The following TTC19 variants were observed in gnomAD, a reference collection of about 807,000 sequenced individuals.
The protein encoded by TTC19 is tetratricopeptide repeat domain 19.
TTC19 carries 38 observed loss-of-function variants against 49.5 expected under a neutral mutation model. The observed-to-expected ratio is 0.77, with a 90% CI of 0.59 to 1.01. The LOEUF is 1.01. Ranked by LOEUF, TTC19 falls within the 50% of genes least tolerant of loss-of-function variation. The pLI is 0.00. For missense variants in TTC19, 475 were observed against 477.7 expected (o/e 0.99, Z 0.05); for synonymous variants, 204 against 185.2 (o/e 1.10, Z -0.83).
In TTC19 at chr17:16,029,312, C is replaced by T. The variant is rs1407533884; in HGVS notation, c.*1790C>T. 1 of 446,424 alleles carries T rather than the reference C, an allele frequency of 2.2e-6. No individual in the cohort carries two copies. Among genetic ancestry groups the T allele is most frequent in the East Asian group, 7.0e-5 (1 of 14,312 alleles). 27.7% of individuals were successfully genotyped at this position (446,424 alleles called of 1,614,324 possible). ...ATTTACACTGTTGTAAAATAAGGTACTGAAGCAAAAGGAGGACTGATCTCC... is the reference window on the plus strand; with the variant it reads ...ATTTACACTGTTGTAAAATAAGGTATTGAAGCAAAAGGAGGACTGATCTCC... On this transcript the variant is annotated 3_prime_UTR_variant, in exon 10 of 10. Transcript: ENST00000261647.
chr17:16,028,839 A>AAAAAAAAAAC lies in TTC19; in HGVS notation c.*1324_*1325insAACAAAAAAA. On this transcript the variant is annotated 3_prime_UTR_variant, in exon 10 of 10. Transcript: ENST00000261647. ...TTCTCAAAAAAAAAAAAAAAAAAAA[A>AAAAAAAAAAC]AAAAAAACTTTCTGAAGAAAATAAA... The AAAAAAAAAAC allele has an allele frequency of 5.3e-6, 2 of 379,360 alleles. No homozygotes were observed. Among genetic ancestry groups the AAAAAAAAAAC allele is most frequent in the African/African-American group, 2.2e-5 (1 of 45,500 alleles). The allele number at this position is 379,360 out of a possible 1,614,324, so 23.5% of individuals were successfully genotyped here. A position where few individuals can be genotyped will look rare whatever the true frequency, so the allele number is the denominator to read the frequency against.
At chr17:16,007,479 G>C (rs537067405) in intron 7 of TTC19, among the ~76,000 whole-genome samples, 1 of 152,108 alleles carries the variant, frequency 6.6e-6, no homozygotes, top group African/African-American at 2.4e-5. Context: ...ACTAAGTTGA[G>C]AACTTTCACC....
chr17:16,035,359 C>T (rs759738548), intron 2 of TTC19, among the ~76,000 whole-genome samples: 13 of 152,080 alleles, frequency 8.5e-5, no homozygotes, highest in Non-Finnish European at 1.5e-4. Context: ...TATTCTAAAT[C>T]CTTTGTTGTC....
chr17:16,021,324 G>A (rs910362570), intron 7 of TTC19, among the ~76,000 whole-genome samples: 3 of 152,204 alleles, frequency 2.0e-5, no homozygotes, highest in Non-Finnish European at 4.4e-5. Flanking sequence ...GGAGGCGGAG[G>A]TTGCAGTGAG....
intron 7 of TTC19, among the ~76,000 whole-genome samples, chr17:16,017,005 T>A (rs963419511): frequency 6.6e-6 from 1 of 152,220 alleles, no homozygotes; most frequent in Non-Finnish European, 1.5e-5. Context: ...ATAAATTTTT[T>A]AAAATCTTCT....
At chr17:16,012,839 A>G (rs551303062) in intron 7 of TTC19, among the ~76,000 whole-genome samples, 3 of 152,010 alleles carry the variant, frequency 2.0e-5, no homozygotes, top group Non-Finnish European at 2.9e-5. Flanking sequence ...CGCTAGGCCT[A>G]TTTGCTTTTC....
At chr17:16,025,293 G>A in intron 8 of TTC19, 122 bp downstream of exon 8, 1 of 1,012,806 alleles carries the variant, frequency 9.9e-7, no homozygotes, top group South Asian at 1.4e-5. Context: ...TTGGTCCCCA[G>A]TCTACTCATT....
chr17:16,021,447 GA>G (rs1971382412), intron 7 of TTC19, among the ~76,000 whole-genome samples: 2 of 152,196 alleles, frequency 1.3e-5, no homozygotes, highest in African/African-American at 2.4e-5. Context: ...TCTGGTGGGG[GA>G]AAGACGCATA....
At chr17:16,040,577 AAATT>A in intron 2 of TTC19, 1 of 1,135,418 alleles carries the variant, frequency 8.8e-7, no homozygotes, top group South Asian at 1.4e-5. Flanking sequence ...TCCTATAATA[AAATT>A]AATCTTTTTA....
chr17:16,016,055 C>T (rs1971204199), intron 7 of TTC19, among the ~76,000 whole-genome samples: 1 of 152,080 alleles, frequency 6.6e-6, no homozygotes, highest in African/African-American at 2.4e-5. Context: ...TATTACCTCT[C>T]TCCTGTTTGC....
At chr17:16,009,576 T>A (rs1266303591) in intron 7 of TTC19, among the ~76,000 whole-genome samples, 1 of 152,188 alleles carries the variant, frequency 6.6e-6, no homozygotes, top group Admixed American at 6.5e-5. Context: ...TTTTACATTT[T>A]ACTAGTTGCA....
chr17:16,025,197 G>C, intron 8 of TTC19, 26 bp downstream of exon 8: 1 of 1,608,592 alleles, frequency 6.2e-7, no homozygotes, highest in South Asian at 1.1e-5. Context: ...ACAGAAGGGG[G>C]AATATAAAAC....
At chr17:16,039,422 G>A (rs1289036454) in intron 2 of TTC19, 2 of 1,609,414 alleles carry the variant, frequency 1.2e-6, no homozygotes, top group Admixed American at 1.7e-5. Context: ...GCACTAAAAT[G>A]AAAGCTGTAC....
chr17:16,003,366 T>C (rs894198351), intron 4 of TTC19, among the ~76,000 whole-genome samples: 1 of 152,186 alleles, frequency 6.6e-6, no homozygotes, highest in Non-Finnish European at 1.5e-5. Flanking sequence ...TCCTCTCACC[T>C]CAGCCTCCTG....
chr17:16,016,619 G>A (rs868128383), intron 7 of TTC19, among the ~76,000 whole-genome samples: 3 of 148,062 alleles, frequency 2.0e-5, no homozygotes, highest in South Asian at 2.2e-4. Context: ...GTGCAGTGGC[G>A]TGATCTCGGC....
At chr17:16,007,557 C>T (rs1257945006) in intron 7 of TTC19, among the ~76,000 whole-genome samples, 1 of 152,182 alleles carries the variant, frequency 6.6e-6, no homozygotes, top group Non-Finnish European at 1.5e-5. Context: ...TCACCACTCT[C>T]ACACTTTGGG....
intron 2 of TTC19, chr17:16,044,399 C>T: frequency 2.1e-6 from 1 of 471,260 alleles, no homozygotes; most frequent in South Asian, 1.5e-5. Context: ...AAACATCCAC[C>T]AGGCAGTTCA....
intron 7 of TTC19, among the ~76,000 whole-genome samples, chr17:16,020,758 A>G (rs1971353596): frequency 6.6e-6 from 1 of 152,074 alleles, no homozygotes; most frequent in Non-Finnish European, 1.5e-5. Flanking sequence ...CTGCAACCTT[A>G]AACTCCTGAT....
intron 3 of TTC19, 129 bp from the exon 4 acceptor site, chr17:16,002,664 G>A (rs758140058): frequency 2.5e-6 from 2 of 811,700 alleles, no homozygotes; most frequent in Non-Finnish European, 4.3e-6. Context: ...CAGATTAATT[G>A]GTGATGTGCT....
Sources: allele counts gnomAD v4.1 joint callset (sites outside exome capture counted in the v4.1 genomes callset), GRCh38; gene constraint gnomAD v4.1.1; transcripts MANE v1.5; gene names NCBI Gene and HGNC (gene_info 2026-07-23, HGNC 2026-07-21).